UNC5D: variants seen among roughly 807,000 people sequenced by gnomAD.
UNC5D encodes the protein unc-5 netrin receptor D.
In UNC5D, 39 loss-of-function variants were observed where a neutral mutation model predicts 105.4. The ratio of observed to expected loss-of-function variants is 0.37; its 90% confidence interval spans 0.29 to 0.48. The LOEUF (loss-of-function observed/expected upper bound fraction) is 0.48. Among genes scored for constraint, UNC5D ranks in the 20% least tolerant of loss-of-function variants. The pLI is 0.98. For missense variants in UNC5D, 991 were observed against 1,202.4 expected, an observed-to-expected ratio of 0.82 and a Z score of 2.60; for synonymous variants, 452 against 450.4, an observed-to-expected ratio of 1.00 and a Z score of -0.04.
chr8:35,275,490 C>T (rs1805713207), intron 1 of UNC5D, among the ~76,000 whole-genome samples: 2 of 152,136 alleles, frequency 1.3e-5, no homozygotes, highest in Non-Finnish European at 2.9e-5. Flanking sequence ...TTCTCTGGGG[C>T]AATATCGGTG....
At chr8:35,329,447 A>G (rs929624910) in intron 1 of UNC5D, among the ~76,000 whole-genome samples, 1 of 151,692 alleles carries the variant, frequency 6.6e-6, no homozygotes, top group Non-Finnish European at 1.5e-5. Flanking sequence ...AAAAGGATAG[A>G]AAAAGTAGAC....
chr8:35,780,651 A>T (rs925088718), intron 16 of UNC5D, among the ~76,000 whole-genome samples: 18 of 152,182 alleles, frequency 1.2e-4, no homozygotes, highest in African/African-American at 4.1e-4. Context: ...CAGACCACTA[A>T]GTGTGGTTAC....
intron 2 of UNC5D, among the ~76,000 whole-genome samples, chr8:35,549,974 T>G (rs7814119): frequency 0.019 from 2,634 of 138,994 alleles, 101 homozygotes; most frequent in African/African-American, 0.07. Flanking sequence ...TTTTTTTGAC[T>G]ATGGTGTAAT....
chr8:35,252,261 T>C (rs1392752889), intron 1 of UNC5D, among the ~76,000 whole-genome samples: 1 of 152,252 alleles, frequency 6.6e-6, no homozygotes, highest in Non-Finnish European at 1.5e-5. Context: ...TGAATAAATA[T>C]AGTTTTTAAA....
intron 1 of UNC5D, among the ~76,000 whole-genome samples, chr8:35,295,661 A>C (rs556803921): frequency 6.6e-6 from 1 of 152,150 alleles, no homozygotes; most frequent in Non-Finnish European, 1.5e-5. Flanking sequence ...ATCACCTTGC[A>C]TAGTCAGCTT....
In UNC5D at chr8:35,549,185, A is replaced by G. The variant is rs377699484; in HGVS notation, c.104-107A>G. On this transcript the variant is annotated intron_variant, in intron 1 of 16. Transcript: ENST00000404895. Reference sequence around the variant, plus strand: ...CAAGCATGCTTTATTAATAAAGCGAATATTTCTCCAGCACAGAATCTTAGA... The same window carrying G: ...CAAGCATGCTTTATTAATAAAGCGAGTATTTCTCCAGCACAGAATCTTAGA... 1.5e-5 allele frequency: 16 copies of G among 1,046,520 alleles called. No individual in the cohort carries two copies. The African/African-American group carries it at 1.6e-4, about 10-fold the overall frequency. 64.8% of individuals were successfully genotyped at this position (1,046,520 alleles called of 1,614,324 possible). A position where few individuals can be genotyped will look rare whatever the true frequency, so the allele number is the denominator to read the frequency against.
chr8:35,400,541 C>T (rs775481280), intron 1 of UNC5D, among the ~76,000 whole-genome samples: 10 of 152,106 alleles, frequency 6.6e-5, no homozygotes, highest in Admixed American at 1.3e-4. Flanking sequence ...ATGTAAACTT[C>T]ATTTTTTTGG....
chr8:35,319,743 G>A (rs1381090882), intron 1 of UNC5D, among the ~76,000 whole-genome samples: 1 of 151,864 alleles, frequency 6.6e-6, no homozygotes, highest in Non-Finnish European at 1.5e-5. Flanking sequence ...GTCCTCCAGA[G>A]TTGTCATGTT....
At chr8:35,585,314 A>AACACCCTG (rs1006548969) in intron 3 of UNC5D, among the ~76,000 whole-genome samples, 2 of 152,200 alleles carry the variant, frequency 1.3e-5, no homozygotes, top group African/African-American at 4.8e-5. Context: ...GCATCAGCCA[A>AACACCCTG]ACACCCTGCT....
intron 1 of UNC5D, among the ~76,000 whole-genome samples, chr8:35,359,900 T>C (rs139561097): frequency 1.2e-3 from 188 of 152,284 alleles, no homozygotes; most frequent in African/African-American, 3.9e-3. Context: ...TGAACTTTAA[T>C]GCAGTGAGCC....
intron 7 of UNC5D, among the ~76,000 whole-genome samples, chr8:35,699,226 G>T (rs918119414): frequency 4.6e-4 from 70 of 152,102 alleles, no homozygotes; most frequent in Non-Finnish European, 2.1e-4. Flanking sequence ...CCACTTATGA[G>T]CATAGTCATT....
intron 1 of UNC5D, among the ~76,000 whole-genome samples, chr8:35,522,011 G>A (rs940396663): frequency 1.3e-5 from 2 of 152,014 alleles, no homozygotes; most frequent in Non-Finnish European, 2.9e-5. Flanking sequence ...TAACATCCCC[G>A]GAGGAACAGT....
At chr8:35,359,113 T>C (rs1436032720) in intron 1 of UNC5D, among the ~76,000 whole-genome samples, 1 of 152,196 alleles carries the variant, frequency 6.6e-6, no homozygotes, top group Admixed American at 6.5e-5. Flanking sequence ...ATTGCACCAC[T>C]GCACTCTGTC....
Position 35,793,141 on chromosome 8 carries a change from G to T in UNC5D, c.*2578G>T. On this transcript the variant is annotated 3_prime_UTR_variant, in exon 17 of 17. Coordinates refer to ENST00000404895, the MANE Select transcript of UNC5D (RefSeq NM_080872.4). ...TGTTTCTTTTACTTATTGCTGCTAGGATCCTACATAGGATTTCTATAGAAA... is the reference window on the plus strand; with the variant it reads ...TGTTTCTTTTACTTATTGCTGCTAGTATCCTACATAGGATTTCTATAGAAA... 4.4e-6 allele frequency: 2 copies of T among 455,828 alleles called. No homozygotes were observed. The highest frequency in any genetic ancestry group is 8.8e-6 in the Non-Finnish European group (2 of 226,682). The allele number at this position is 455,828 out of a possible 1,614,324, so 28.2% of individuals were successfully genotyped here.
chr8:35,726,056 C>T, intron 9 of UNC5D, 96 bp from the exon 10 acceptor site: 1 of 1,477,444 alleles, frequency 6.8e-7, no homozygotes, highest in Non-Finnish European at 9.0e-7. Context: ...CTGCTGGCAC[C>T]TATGCAGGCT....
At chr8:35,468,288 A>G (rs1809456644) in intron 1 of UNC5D, among the ~76,000 whole-genome samples, 1 of 152,310 alleles carries the variant, frequency 6.6e-6, no homozygotes, top group South Asian at 2.1e-4. Flanking sequence ...GACAGAGATC[A>G]CTAGCTCTCT....
chr8:35,557,793 C>A (rs1406653801), intron 2 of UNC5D, among the ~76,000 whole-genome samples: 1 of 151,904 alleles, frequency 6.6e-6, no homozygotes, highest in African/African-American at 2.4e-5. Context: ...CTTCTGGTGT[C>A]ATGGCTGTTG....
chr8:35,551,071 C>T (rs546301042), intron 2 of UNC5D, among the ~76,000 whole-genome samples: 3 of 152,076 alleles, frequency 2.0e-5, no homozygotes, highest in East Asian at 1.9e-4. Context: ...TTCTGGTGAT[C>T]GATCATATTG....
At chr8:35,345,014 T>A (rs1025584051) in intron 1 of UNC5D, among the ~76,000 whole-genome samples, 3 of 152,048 alleles carry the variant, frequency 2.0e-5, no homozygotes, top group Admixed American at 1.3e-4. Flanking sequence ...ATGGGTTTGC[T>A]GTAGTAAATG....
Sources: allele counts gnomAD v4.1 joint callset (sites outside exome capture counted in the v4.1 genomes callset), GRCh38; gene constraint gnomAD v4.1.1; transcripts MANE v1.5; gene names NCBI Gene and HGNC (gene_info 2026-07-23, HGNC 2026-07-21).